ANKRD54: variants seen among roughly 807,000 people sequenced by gnomAD.
The protein encoded by ANKRD54 is ankyrin repeat domain 54, also known as ankyrin repeat domain-containing protein 54.
A neutral mutation model predicts 36.2 loss-of-function variants in ANKRD54; 26 were observed. That is an observed-to-expected ratio of 0.72 (90% CI 0.53 to 1.00). ANKRD54 has a LOEUF of 1.00. Among genes scored for constraint, ANKRD54 ranks in the 50% least tolerant of loss-of-function variants. ANKRD54 has a pLI of 0.00. For synonymous variants in ANKRD54, 209 were observed against 188.4 expected (o/e 1.11, Z -0.89); for missense variants, 384 against 424.3 (o/e 0.91, Z 0.83).
In ANKRD54 at chr22:37,831,423, G is replaced by A. The variant is rs1922859557; in HGVS notation, c.*520C>T. The A allele has an allele frequency of 6.4e-6, 1 of 155,076 alleles. No homozygotes were observed. The highest frequency in any genetic ancestry group is 2.0e-4 in the South Asian group (1 of 4,988). The allele number at this position is 155,076 out of a possible 1,614,324, so 9.6% of individuals were successfully genotyped here. A position where few individuals can be genotyped will look rare whatever the true frequency, so the allele number is the denominator to read the frequency against. ...CACCAACCCTCCCCTTCCAACCAGA[G>A]AAACTCACTGCAGTATCTCCTTGAA... is the stretch of plus-strand genomic sequence containing the variant. On this transcript the variant is annotated 3_prime_UTR_variant, in exon 8 of 8. Coordinates refer to ENST00000215941, the MANE Select transcript of ANKRD54 (RefSeq NM_138797.4).
rs919640056 is a variant in ANKRD54 at position 37,840,768 on chromosome 22, T to C, written c.329-534A>G. ...CCGGGTGTGGTGCACATGCCTGTAATCCCAGCTACTCTGGAGGCTGAGGTA... is the reference window on the plus strand; with the variant it reads ...CCGGGTGTGGTGCACATGCCTGTAACCCCAGCTACTCTGGAGGCTGAGGTA... On this transcript the variant is annotated intron_variant, in intron 1 of 7. Coordinates refer to ENST00000215941, the MANE Select transcript of ANKRD54 (RefSeq NM_138797.4). Among the ~76,000 whole-genome samples, 15 of 151,524 alleles carry C rather than the reference T, an allele frequency of 9.9e-5. No homozygotes were observed. The East Asian group carries it at 1.6e-3, about 16-fold the overall frequency.
chr22:37,832,111 C>T (rs1290156141), intron 7 of ANKRD54, 94 bp from the exon 8 acceptor site: 13 of 1,212,452 alleles, frequency 1.1e-5, no homozygotes, highest in Admixed American at 8.4e-5. Flanking sequence ...AACACAGGCA[C>T]GGTCTCTCCT....
chr22:37,831,910 G>T lies in ANKRD54; in HGVS notation c.*33C>A. On this transcript the variant is annotated 3_prime_UTR_variant, in exon 8 of 8. Coordinates refer to ENST00000215941, the MANE Select transcript of ANKRD54 (RefSeq NM_138797.4). ...ACTGAGACAGCAGTGGGGCAGGGTG[G>T]GGCAGTGGCAGGAAGGCAGGGAGCC... The T allele has an allele frequency of 1.9e-6, 3 of 1,607,926 alleles. No individual in the cohort carries two copies. Among genetic ancestry groups the T allele is most frequent in the African/African-American group, 1.3e-5 (1 of 74,946 alleles).
upstream of ANKRD54, chr22:37,844,386 G>T: frequency 1.2e-6 from 1 of 846,342 alleles, no homozygotes; most frequent in Non-Finnish European, 1.7e-6. Flanking sequence ...GCGGGCTCAG[G>T]CCGAGACAGA....
chr22:37,837,489 C>T (rs746315128), intron 3 of ANKRD54, among the ~76,000 whole-genome samples: 3 of 152,196 alleles, frequency 2.0e-5, no homozygotes, highest in Admixed American at 6.6e-5. Flanking sequence ...ACAGTCCACC[C>T]TCCCTAACTG....
chr22:37,832,149 C>T (rs1042707393), intron 7 of ANKRD54, 132 bp from the exon 8 acceptor site: 50 of 829,868 alleles, frequency 6.0e-5, no homozygotes, highest in Non-Finnish European at 8.2e-5. Context: ...CTTCTGACTA[C>T]GCAGCAGTTG....
At chr22:37,834,697 C>CAAAAAAAAAAAAAA (rs67811223) in intron 3 of ANKRD54, 1 of 43,380 alleles carries the variant, frequency 2.3e-5, no homozygotes, top group African/African-American at 9.8e-5. Context: ...GACCCTGTCT[C>CAAAAAAAAAAAAAA]AAAAAAAAAA....
intron 4 of ANKRD54, 112 bp downstream of exon 4, chr22:37,833,572 C>A: frequency 8.6e-7 from 1 of 1,168,042 alleles, no homozygotes; most frequent in Non-Finnish European, 1.2e-6. Flanking sequence ...GGCCTAGGAT[C>A]TTCCCTGACA....
intron 3 of ANKRD54, chr22:37,834,291 T>A (rs1923255140): frequency 6.5e-6 from 1 of 153,096 alleles, no homozygotes; most frequent in African/African-American, 2.4e-5. Flanking sequence ...AAAAACTAAT[T>A]CAAGAGGGAC....
intron 1 of ANKRD54, among the ~76,000 whole-genome samples, chr22:37,842,953 G>A (rs565239111): frequency 2.0e-5 from 3 of 152,350 alleles, no homozygotes; most frequent in South Asian, 4.1e-4. Context: ...CCTGGAATAA[G>A]ACAATTTCTC....
upstream of ANKRD54, chr22:37,849,282 G>A (rs566361584): frequency 7.5e-4 from 613 of 821,596 alleles, 1 homozygote; most frequent in Non-Finnish European, 1.0e-3. Context: ...GTGAGCCACG[G>A]AACGCGGCTC....
intron 3 of ANKRD54, 99 bp downstream of exon 3, chr22:37,838,401 G>GCCAA: frequency 8.6e-7 from 1 of 1,163,566 alleles, no homozygotes; most frequent in Non-Finnish European, 1.2e-6. Context: ...CAGAACAACT[G>GCCAA]GGCATCCCAA....
chr22:37,832,172 T>C (rs543249495), intron 7 of ANKRD54, among the ~76,000 whole-genome samples, 155 bp from the exon 8 acceptor site: 1 of 152,102 alleles, frequency 6.6e-6, no homozygotes, highest in Non-Finnish European at 1.5e-5. Context: ...CAAGGGTCAA[T>C]CTTTGACACC....
chr22:37,847,401 A>T (rs1308725425), upstream of ANKRD54, among the ~76,000 whole-genome samples: 1 of 151,832 alleles, frequency 6.6e-6, no homozygotes, highest in East Asian at 1.9e-4. Context: ...ACCTCAGGTG[A>T]TCCATCTGCC....
chr22:37,835,275 T>C (rs1199391601), intron 3 of ANKRD54, among the ~76,000 whole-genome samples: 1 of 151,996 alleles, frequency 6.6e-6, no homozygotes, highest in Admixed American at 6.6e-5. Flanking sequence ...GGTGGGAGAA[T>C]AGCTTGAACC....
intron 1 of ANKRD54, 61 bp downstream of exon 1, chr22:37,843,850 A>T: frequency 8.7e-7 from 1 of 1,151,594 alleles, no homozygotes; most frequent in Non-Finnish European, 1.1e-6. Flanking sequence ...TGGTCCTCTG[A>T]GGCCCCGCCC....
chr22:37,841,178 G>T (rs1223800749), intron 1 of ANKRD54, among the ~76,000 whole-genome samples: 1 of 151,266 alleles, frequency 6.6e-6, no homozygotes, highest in Non-Finnish European at 1.5e-5. Context: ...GATCACTTGA[G>T]GCCAGGAGTT....
chr22:37,837,198 T>C (rs1004576099), intron 3 of ANKRD54, among the ~76,000 whole-genome samples: 10 of 151,966 alleles, frequency 6.6e-5, no homozygotes, highest in African/African-American at 2.4e-4. Flanking sequence ...ACACTGCTGG[T>C]GGGGAGTGGG....
At chr22:37,841,430 G>A (rs1924225638) in intron 1 of ANKRD54, among the ~76,000 whole-genome samples, 2 of 151,594 alleles carry the variant, frequency 1.3e-5, no homozygotes, top group East Asian at 1.9e-4. Context: ...GGAGGCTCAG[G>A]CAGGAGAATC....
Sources: gnomAD v4.1 joint callset for allele counts (sites outside exome capture counted in the v4.1 genomes callset) on GRCh38, gnomAD v4.1.1 for gene constraint, MANE v1.5 for transcripts, NCBI Gene and HGNC (gene_info 2026-07-23, HGNC 2026-07-21) for gene names.